ROR1: variants seen among roughly 807,000 people sequenced by gnomAD.
The protein encoded by ROR1 is ROR family WNT receptor 1.
In ROR1, 19 loss-of-function variants were observed where a neutral mutation model predicts 78.8. The observed-to-expected ratio is 0.24, with a 90% confidence interval of 0.17 to 0.35. The LOEUF (loss-of-function observed/expected upper bound fraction) is 0.35. Ranked by LOEUF, ROR1 falls within the 10% of genes least tolerant of loss-of-function variation. The pLI is 1.00. For synonymous variants in ROR1, 386 were observed against 433.6 expected (o/e 0.89, Z 1.36); for missense variants, 917 against 1,177.8 (o/e 0.78, Z 3.24).
At chr1:63,787,179 A>T (rs1644693583) in intron 1 of ROR1, among the ~76,000 whole-genome samples, 1 of 152,038 alleles carries the variant, frequency 6.6e-6, no homozygotes, top group African/African-American at 2.4e-5. Flanking sequence ...TTGTTCTTCA[A>T]ACTGTATTGC....
intron 1 of ROR1, among the ~76,000 whole-genome samples, chr1:64,000,194 A>C (rs573924829): frequency 6.6e-6 from 1 of 152,292 alleles, no homozygotes; most frequent in East Asian, 1.9e-4. Context: ...AAGGAAGGGC[A>C]GTCAAGTGGA....
intron 2 of ROR1, among the ~76,000 whole-genome samples, chr1:64,025,630 CAT>C (rs902025493): frequency 9.3e-5 from 14 of 150,728 alleles, no homozygotes; most frequent in African/African-American, 2.7e-4. Flanking sequence ...CACATATGTA[CAT>C]ATATATATAC....
intron 1 of ROR1, among the ~76,000 whole-genome samples, chr1:63,940,544 A>T (rs569235294): frequency 7.8e-6 from 1 of 128,386 alleles, no homozygotes; most frequent in Non-Finnish European, 1.6e-5. Context: ...TAGATAGATA[A>T]TGTGAAGGAA....
chr1:63,894,360 A>G (rs1235557155), intron 1 of ROR1, among the ~76,000 whole-genome samples: 3 of 152,196 alleles, frequency 2.0e-5, no homozygotes, highest in African/African-American at 7.2e-5. Context: ...ACTACAGATA[A>G]GGGGGGAGAC....
intron 4 of ROR1, among the ~76,000 whole-genome samples, chr1:64,119,481 A>C (rs1318762952): frequency 6.6e-6 from 1 of 151,946 alleles, no homozygotes; most frequent in African/African-American, 2.4e-5. Flanking sequence ...TCTACTAAAA[A>C]TACGAAAATT....
intron 4 of ROR1, among the ~76,000 whole-genome samples, chr1:64,118,037 C>T (rs1233440324): frequency 6.6e-6 from 1 of 152,082 alleles, no homozygotes; most frequent in African/African-American, 2.4e-5. Flanking sequence ...CTTTTCTCTA[C>T]AGAAAAAACA....
intron 1 of ROR1, among the ~76,000 whole-genome samples, chr1:63,978,430 GTGTGA>G: frequency 6.6e-6 from 1 of 152,258 alleles, no homozygotes; most frequent in East Asian, 1.9e-4. Context: ...AACACTTCCT[GTGTGA>G]CAGATCATTT....
intron 4 of ROR1, among the ~76,000 whole-genome samples, chr1:64,066,369 G>A (rs914217525): frequency 2.7e-5 from 4 of 150,002 alleles, no homozygotes; most frequent in Admixed American, 6.7e-5. Flanking sequence ...CCTGGCTGGA[G>A]TGCAGTGGCG....
At chr1:63,920,962 A>G (rs1280130474) in intron 1 of ROR1, among the ~76,000 whole-genome samples, 2 of 152,186 alleles carry the variant, frequency 1.3e-5, no homozygotes, top group East Asian at 1.9e-4. Flanking sequence ...AGTGCTTTAC[A>G]TGTCCAAATT....
In ROR1 at chr1:63,995,463, C is replaced by T. The variant is rs532835227; in HGVS notation, c.92-13842C>T. ...GACTCTAATAGGCAGTTCTCCGTAG[C>T]GCTTCACAACAATGAAAGTAAGTTC... On this transcript the variant is annotated intron_variant, in intron 1 of 8. Coordinates refer to ENST00000371079, the MANE Select transcript of ROR1 (RefSeq NM_005012.4). 1.5e-4 allele frequency among the ~76,000 whole-genome samples: 23 copies of T among 152,302 alleles called. No individual in the cohort carries two copies. In the South Asian group the frequency reaches 4.1e-3, roughly 27 times the overall value.
At chr1:63,859,931 C>T (rs1391190592) in intron 1 of ROR1, among the ~76,000 whole-genome samples, 1 of 152,196 alleles carries the variant, frequency 6.6e-6, no homozygotes, top group African/African-American at 2.4e-5. Context: ...AATCCTCAAA[C>T]AGCCCTGTGA....
chr1:64,113,649 T>C (rs1303476325), intron 4 of ROR1: 1 of 152,094 alleles, frequency 6.6e-6, no homozygotes, highest in African/African-American at 2.4e-5. Context: ...ATTACAAGTG[T>C]GTCTGATTTG....
At chr1:64,135,415 T>G (rs921347644) in intron 4 of ROR1, among the ~76,000 whole-genome samples, 1 of 151,808 alleles carries the variant, frequency 6.6e-6, no homozygotes, top group African/African-American at 2.4e-5. Flanking sequence ...CTTGAGAGTT[T>G]AATGTGGGGG....
At chr1:64,031,228 C>G (rs1469579446) in intron 2 of ROR1, among the ~76,000 whole-genome samples, 1 of 152,186 alleles carries the variant, frequency 6.6e-6, no homozygotes, top group African/African-American at 2.4e-5. Context: ...TCCATACTAA[C>G]AAAATTGACT....
intron 4 of ROR1, among the ~76,000 whole-genome samples, chr1:64,127,006 A>G (rs1648733970): frequency 6.6e-6 from 1 of 152,132 alleles, no homozygotes; most frequent in Non-Finnish European, 1.5e-5. Context: ...GGCAGTGTAG[A>G]ACAAAACCTA....
At chr1:64,017,048 C>T (rs932495421) in intron 2 of ROR1, among the ~76,000 whole-genome samples, 14 of 151,924 alleles carry the variant, frequency 9.2e-5, no homozygotes, top group African/African-American at 3.1e-4. Flanking sequence ...CTCCAAGTCG[C>T]TGGGACCACA....
intron 1 of ROR1, among the ~76,000 whole-genome samples, chr1:63,935,023 A>ATTTTTTTT (rs11376470): frequency 7.1e-6 from 1 of 140,250 alleles, no homozygotes. Context: ...ATTTGGGAGA[A>ATTTTTTTT]TTTTTTTTTT....
At chr1:63,883,827 CT>C (rs1645339408) in intron 1 of ROR1, among the ~76,000 whole-genome samples, 1 of 152,174 alleles carries the variant, frequency 6.6e-6, no homozygotes, top group South Asian at 2.1e-4. Flanking sequence ...TCCCCTGCCC[CT>C]AGGAGAAATC....
Position 63,826,024 on chromosome 1 carries a change from T to C in ROR1, c.91+51516T>C, listed in dbSNP as rs17320969. Among the ~76,000 whole-genome samples the C allele has an allele frequency of 7.8e-3, 1,182 of 152,252 alleles. 5 individuals carry two copies. The highest frequency in any genetic ancestry group is 0.013 in the Non-Finnish European group (857 of 68,012). On this transcript the variant is annotated intron_variant, in intron 1 of 8. Coordinates refer to ENST00000371079, the MANE Select transcript of ROR1 (RefSeq NM_005012.4). The stretch of plus-strand genomic sequence containing the variant: ...AATAGAGGATTAGAAATAGAAAACA[T>C]AGTAGTGGCAGTAATGAATAAGACT...
Sources: gnomAD v4.1 joint callset for allele counts (sites outside exome capture counted in the v4.1 genomes callset) on GRCh38, gnomAD v4.1.1 for gene constraint, MANE v1.5 for transcripts, NCBI Gene and HGNC (gene_info 2026-07-23, HGNC 2026-07-21) for gene names.